The following LRRC4C variants were observed in gnomAD, a reference collection of about 807,000 sequenced individuals.
The protein encoded by LRRC4C is leucine-rich repeat-containing protein 4C.
A neutral mutation model predicts 33.6 loss-of-function variants in LRRC4C; 5 were observed. The observed-to-expected ratio is 0.15, with a 90% CI of 0.08 to 0.31. The LOEUF (loss-of-function observed/expected upper bound fraction) is 0.31. LRRC4C is among the 10% of genes least tolerant of loss of function. The probability of loss-of-function intolerance (pLI) is 1.00; values close to 1 mark genes in which losing one functional copy is unlikely to be tolerated. For synonymous variants in LRRC4C, 329 were observed against 302.0 expected, an observed-to-expected ratio of 1.09 and a Z score of -0.93; for missense variants, 560 against 796.7, an observed-to-expected ratio of 0.70 and a Z score of 3.58.
chr11:41,255,410 A>T (rs749709469), intron 1 of LRRC4C, among the ~76,000 whole-genome samples: 8 of 152,000 alleles, frequency 5.3e-5, no homozygotes, highest in Non-Finnish European at 1.2e-4. Flanking sequence ...AAAGGGAATG[A>T]CCCCAGAGGA....
intron 3 of LRRC4C, among the ~76,000 whole-genome samples, chr11:40,632,330 A>C (rs1963542610): frequency 6.6e-6 from 1 of 152,214 alleles, no homozygotes. Flanking sequence ...TCACACGCAG[A>C]AAGATTTAGA....
chr11:40,698,776 G>A (rs189726027), intron 2 of LRRC4C, among the ~76,000 whole-genome samples: 1 of 152,204 alleles, frequency 6.6e-6, no homozygotes, highest in Non-Finnish European at 1.5e-5. Flanking sequence ...AAGATGAAAG[G>A]CACATCTTAC....
chr11:40,698,513 T>G (rs74964177), intron 2 of LRRC4C, among the ~76,000 whole-genome samples: 1,846 of 152,144 alleles, frequency 0.012, 35 homozygotes, highest in African/African-American at 0.042. Context: ...CCTATTGTCC[T>G]TCCTCTGCTT....
intron 3 of LRRC4C, among the ~76,000 whole-genome samples, chr11:40,379,158 G>C (rs969426702): frequency 6.6e-6 from 1 of 152,118 alleles, no homozygotes; most frequent in Non-Finnish European, 1.5e-5. Flanking sequence ...GTATATGGAA[G>C]TTGGAGGTCA....
chr11:41,088,584 A>T (rs1453225359), intron 1 of LRRC4C, among the ~76,000 whole-genome samples: 1 of 152,104 alleles, frequency 6.6e-6, no homozygotes, highest in African/African-American at 2.4e-5. Flanking sequence ...GTCATCTTTG[A>T]ATTTAAAATC....
intron 3 of LRRC4C, among the ~76,000 whole-genome samples, chr11:40,622,109 CT>C (rs1478250427): frequency 6.6e-6 from 1 of 151,860 alleles, no homozygotes; most frequent in African/African-American, 2.4e-5. Flanking sequence ...AACAAGTGGT[CT>C]TTCTACTTTG....
Position 40,914,917 on chromosome 11 carries a change from C to T in LRRC4C, c.-407+18718G>A, listed in dbSNP as rs3976649. 5.3e-5 allele frequency among the ~76,000 whole-genome samples: 8 copies of T among 151,928 alleles called. No individual in the cohort carries two copies. In the South Asian group the frequency reaches 1.0e-3, roughly 20 times the overall value. On this transcript the variant is annotated intron_variant, in intron 2 of 6. Coordinates refer to ENST00000528697, the MANE Select transcript of LRRC4C (RefSeq NM_001258419.2). ...TTATACACCAATAACAGACAGAGAG[C>T]CAACTCATGAGTGAACTCCCATTCA...
At chr11:40,928,480 A>C (rs192995074) in intron 2 of LRRC4C, among the ~76,000 whole-genome samples, 1 of 152,074 alleles carries the variant, frequency 6.6e-6, no homozygotes, top group East Asian at 1.9e-4. Flanking sequence ...AATATTTTCA[A>C]ATGGCAACAA....
At chr11:41,404,191 A>G (rs1954130627) in intron 1 of LRRC4C, among the ~76,000 whole-genome samples, 1 of 151,914 alleles carries the variant, frequency 6.6e-6, no homozygotes, top group Non-Finnish European at 1.5e-5. Flanking sequence ...TAATGCCAAG[A>G]TTTTTTCTTT....
At chr11:40,540,396 C>T (rs1034577175) in intron 3 of LRRC4C, among the ~76,000 whole-genome samples, 4 of 152,132 alleles carry the variant, frequency 2.6e-5, no homozygotes, top group Admixed American at 2.0e-4. Context: ...GCCAACCTCA[C>T]CTCTGGTTTT....
At chr11:40,209,057 C>T (rs1399046473) in intron 5 of LRRC4C, among the ~76,000 whole-genome samples, 5 of 151,806 alleles carry the variant, frequency 3.3e-5, no homozygotes, top group African/African-American at 1.2e-4. Flanking sequence ...GGATTGTGCA[C>T]CTGTATCCCG....
At chr11:40,949,363 T>G (rs1958582328) in intron 1 of LRRC4C, among the ~76,000 whole-genome samples, 1 of 152,140 alleles carries the variant, frequency 6.6e-6, no homozygotes, top group African/African-American at 2.4e-5. Flanking sequence ...GCAGAAGCTC[T>G]TTAGTTTAAT....
At chr11:40,796,651 T>G (rs534288971) in intron 2 of LRRC4C, among the ~76,000 whole-genome samples, 1 of 133,040 alleles carries the variant, frequency 7.5e-6, no homozygotes, top group Admixed American at 7.1e-5. Context: ...TTTTTTTTTT[T>G]TTTTTTTTAT....
chr11:40,259,309 T>C (rs1039257743), intron 4 of LRRC4C, among the ~76,000 whole-genome samples: 1 of 152,020 alleles, frequency 6.6e-6, no homozygotes, highest in African/African-American at 2.4e-5. Context: ...TTCTGGATAT[T>C]AGCCCTTTGT....
intron 3 of LRRC4C, among the ~76,000 whole-genome samples, chr11:40,384,948 A>T (rs1397173901): frequency 6.6e-6 from 1 of 152,170 alleles, no homozygotes; most frequent in Non-Finnish European, 1.5e-5. Flanking sequence ...AATTTTTTCT[A>T]AAACTATTTT....
At chr11:40,933,428 A>T (rs1957724360) in intron 2 of LRRC4C, among the ~76,000 whole-genome samples, 1 of 152,246 alleles carries the variant, frequency 6.6e-6, no homozygotes, top group Non-Finnish European at 1.5e-5. Context: ...TATAAGTCAT[A>T]TATGAAACAA....
chr11:40,357,593 C>A (rs549033116), intron 3 of LRRC4C, among the ~76,000 whole-genome samples: 2 of 152,040 alleles, frequency 1.3e-5, no homozygotes, highest in Non-Finnish European at 2.9e-5. Context: ...TCATTTATTT[C>A]CTTCTGTAAA....
chr11:40,177,365 A>G (rs1239249794), intron 5 of LRRC4C, among the ~76,000 whole-genome samples: 1 of 152,200 alleles, frequency 6.6e-6, no homozygotes, highest in Non-Finnish European at 1.5e-5. Context: ...GCATGAATAC[A>G]TCTAGCTGTA....
At chr11:40,457,605 AGAAT>A (rs1952198212) in intron 3 of LRRC4C, among the ~76,000 whole-genome samples, 1 of 151,898 alleles carries the variant, frequency 6.6e-6, no homozygotes, top group African/African-American at 2.4e-5. Flanking sequence ...CAGAAAACTG[AGAAT>A]GAGAGTTAAA....
Sources: allele counts gnomAD v4.1 joint callset (sites outside exome capture counted in the v4.1 genomes callset), GRCh38; gene constraint gnomAD v4.1.1; transcripts MANE v1.5; gene names NCBI Gene and HGNC (gene_info 2026-07-23, HGNC 2026-07-21).